Variants in EXOC4 observed in about 807,000 individuals in gnomAD.
EXOC4 encodes SEC8-like 1.
EXOC4 carries 71 observed loss-of-function variants against 107.2 expected under a neutral mutation model. The observed-to-expected ratio is 0.66, with a 90% CI of 0.55 to 0.81. The LOEUF (loss-of-function observed/expected upper bound fraction) is 0.81, where lower values mean the gene tolerates loss of function less well. EXOC4 is among the 30% of genes least tolerant of loss of function. The pLI, the probability that EXOC4 is intolerant of heterozygous loss-of-function variation, is 0.00. For synonymous variants in EXOC4, 456 were observed against 441.2 expected (o/e 1.03, Z -0.42); for missense variants, 1,108 against 1,189.6 (o/e 0.93, Z 1.01).
At position 133,532,513 on chromosome 7, in the gene EXOC4, A is replaced by C. The variant is rs374940908; in HGVS notation, c.1417+52375A>C. 3.9e-5 allele frequency among the ~76,000 whole-genome samples: 6 copies of C among 152,084 alleles called. No individual in the cohort carries two copies. The East Asian group carries it at 9.6e-4, about 24-fold the overall frequency. The stretch of plus-strand genomic sequence containing the variant: ...CCAAGTGGTTTTTATATATGGAGCT[A>C]TGGTCATAACTTAATGGCAAAAAAT... On this transcript the variant is annotated intron_variant, in intron 9 of 17. Coordinates refer to ENST00000253861, the MANE Select transcript of EXOC4 (RefSeq NM_021807.4).
chr7:133,784,453 A>C (rs1313146461), intron 10 of EXOC4, among the ~76,000 whole-genome samples: 1 of 151,992 alleles, frequency 6.6e-6, no homozygotes, highest in East Asian at 1.9e-4. Flanking sequence ...AGCACCCTGG[A>C]CATCAGTATT....
At chr7:133,608,517 T>C (rs1463075262) in intron 9 of EXOC4, among the ~76,000 whole-genome samples, 3 of 151,614 alleles carry the variant, frequency 2.0e-5, no homozygotes, top group Non-Finnish European at 4.4e-5. Context: ...TAATAAATGG[T>C]TGTTATCTGA....
intron 10 of EXOC4, among the ~76,000 whole-genome samples, chr7:133,644,221 T>C (rs1421718063): frequency 6.6e-6 from 1 of 152,226 alleles, no homozygotes; most frequent in Non-Finnish European, 1.5e-5. Context: ...AGGAATGCTG[T>C]GATTAATTAG....
At chr7:133,356,828 A>G (rs1264116188) in intron 6 of EXOC4, among the ~76,000 whole-genome samples, 1 of 152,210 alleles carries the variant, frequency 6.6e-6, no homozygotes, top group African/African-American at 2.4e-5. Flanking sequence ...AAAAATACAG[A>G]AATTAGCTGG....
intron 9 of EXOC4, among the ~76,000 whole-genome samples, chr7:133,566,100 G>T (rs1356297945): frequency 6.6e-6 from 1 of 152,134 alleles, no homozygotes; most frequent in East Asian, 1.9e-4. Context: ...AAGTGTATTG[G>T]CCTATATGAA....
intron 11 of EXOC4, among the ~76,000 whole-genome samples, chr7:133,873,568 T>G (rs1430065162): frequency 6.6e-6 from 1 of 152,210 alleles, no homozygotes; most frequent in Non-Finnish European, 1.5e-5. Flanking sequence ...CTGATGTTAT[T>G]TTCCTCCTGT....
At chr7:133,823,912 AATATATATATAAATTATATATAT>A (rs1797632824) in intron 11 of EXOC4, among the ~76,000 whole-genome samples, 2 of 19,606 alleles carry the variant, frequency 1.0e-4, no homozygotes, top group African/African-American at 4.2e-4. Context: ...TATATATATA[AATATATATATAAATTATATATAT>A]ATTATATATA....
At chr7:133,499,424 C>T (rs896303902) in intron 9 of EXOC4, among the ~76,000 whole-genome samples, 3 of 151,614 alleles carry the variant, frequency 2.0e-5, no homozygotes, top group Non-Finnish European at 4.4e-5. Flanking sequence ...TTTCCATAAG[C>T]GGATAATATT....
the EXOC4 span, among the ~76,000 whole-genome samples, chr7:134,083,744 C>A: frequency 6.6e-6 from 1 of 152,302 alleles, no homozygotes; most frequent in Admixed American, 6.5e-5. Context: ...CTAAAACTAG[C>A]ATAGCATCAC....
chr7:133,774,133 T>A (rs1230782206), intron 10 of EXOC4, among the ~76,000 whole-genome samples: 1 of 152,128 alleles, frequency 6.6e-6, no homozygotes, highest in Admixed American at 6.6e-5. Context: ...CTCTACCCAA[T>A]GAGCTAACCA....
chr7:133,527,119 T>G (rs1800094649), intron 9 of EXOC4, among the ~76,000 whole-genome samples: 1 of 152,056 alleles, frequency 6.6e-6, no homozygotes, highest in Admixed American at 6.6e-5. Context: ...ATAATATGTA[T>G]TTAGCTGGGC....
intron 9 of EXOC4, among the ~76,000 whole-genome samples, chr7:133,490,970 G>A (rs911952745): frequency 6.6e-6 from 1 of 152,088 alleles, no homozygotes; most frequent in African/African-American, 2.4e-5. Flanking sequence ...TAGGGCCCAC[G>A]GCACAACCTA....
At chr7:134,054,717 T>C (rs1795881304) in intron 17 of EXOC4, among the ~76,000 whole-genome samples, 2 of 152,338 alleles carry the variant, frequency 1.3e-5, no homozygotes, top group South Asian at 4.1e-4. Flanking sequence ...AAATTCATTT[T>C]GCTAGTTATA....
intron 11 of EXOC4, among the ~76,000 whole-genome samples, chr7:133,853,283 G>T (rs1329504386): frequency 6.7e-6 from 1 of 150,056 alleles, no homozygotes; most frequent in African/African-American, 2.5e-5. Flanking sequence ...CTTTCTGTTT[G>T]TCTGTCCCTC....
At chr7:133,719,738 A>G (rs866527892) in intron 10 of EXOC4, among the ~76,000 whole-genome samples, 3 of 152,184 alleles carry the variant, frequency 2.0e-5, no homozygotes, top group South Asian at 2.1e-4. Flanking sequence ...TTCTCATTAA[A>G]TTGAATTGGC....
At position 133,356,428 on chromosome 7, in the gene EXOC4, A is replaced by C; in HGVS notation, c.862A>C (p.Lys288Gln). The change falls in exon 6 of 18, where the codon AAA becomes CAA. Residue 288 changes from lysine (K) to glutamine (Q), a missense_variant. Lys to Gln is a moderately conservative substitution (Grantham distance 53). Transcript: ENST00000253861. ...GGGTATCCTCATTAAGGGCTTGGCGAAACTGAAGAAGATCCCAGAAACAGT... is the reference window on the plus strand; with the variant it reads ...GGGTATCCTCATTAAGGGCTTGGCGCAACTGAAGAAGATCCCAGAAACAGT... The part of the protein sequence containing the change: ...FMGILIKGLA[K>Q]LKKIPETVKA... 6.2e-7 allele frequency: 1 copy of C among 1,614,168 alleles called. No individual in the cohort carries two copies.
chr7:133,775,939 C>G (rs1197456790), intron 10 of EXOC4, among the ~76,000 whole-genome samples: 1 of 152,150 alleles, frequency 6.6e-6, no homozygotes, highest in African/African-American at 2.4e-5. Flanking sequence ...ACCACATCAT[C>G]AGTTATCTAG....
rs1238061148 is a variant in EXOC4 at position 133,273,530 on chromosome 7, AT to A, written c.87-1451del. ...TCCCTTCATTGCCTTTGTTCCTGCC[AT>A]CCCCCTACCCGTATTCATGATATAG... On this transcript the variant is annotated intron_variant, in intron 1 of 17. Coordinates refer to ENST00000253861, the MANE Select transcript of EXOC4 (RefSeq NM_021807.4). Among the ~76,000 whole-genome samples, 8 of 152,212 alleles carry A rather than the reference AT, an allele frequency of 5.3e-5. No individual in the cohort carries two copies. The East Asian group carries it at 1.4e-3, about 26-fold the overall frequency.
chr7:133,868,393 T>C (rs970671090), intron 11 of EXOC4, among the ~76,000 whole-genome samples: 1 of 152,200 alleles, frequency 6.6e-6, no homozygotes, highest in Non-Finnish European at 1.5e-5. Flanking sequence ...ATATGTGAAT[T>C]CACTTAATAT....
Sources: allele counts gnomAD v4.1 joint callset (sites outside exome capture counted in the v4.1 genomes callset), GRCh38; gene constraint gnomAD v4.1.1; transcripts MANE v1.5; gene names NCBI Gene and HGNC (gene_info 2026-07-23, HGNC 2026-07-21).